Variants in TNRC18 observed in about 807,000 individuals in gnomAD.
The protein encoded by TNRC18 is trinucleotide repeat-containing gene 18 protein.
In TNRC18, 69 loss-of-function variants were observed where a neutral mutation model predicts 226.7. That is an observed-to-expected ratio of 0.30 (90% confidence interval 0.25 to 0.37). TNRC18 has a LOEUF of 0.37. TNRC18 is among the 10% of genes least tolerant of loss of function. The probability of loss-of-function intolerance (pLI) is 1.00; values close to 1 mark genes in which losing one functional copy is unlikely to be tolerated. For missense variants in TNRC18, 4,754 were observed against 4,256.6 expected, an observed-to-expected ratio of 1.12 and a Z score of -3.25; for synonymous variants, 2,449 against 1,927.6, an observed-to-expected ratio of 1.27 and a Z score of -7.09.
rs751753956 is a variant in TNRC18, at chr7:5,320,521, T to G, written c.6636+11A>C. The stretch of plus-strand genomic sequence containing the variant: ...CCCGAGCCTCCCGAGGCCCCGCCCC[T>G]CCCCCCTCACCGCCTCCTGCAGCAA... On this transcript the variant is annotated intron_variant, in intron 23 of 29. Coordinates refer to ENST00000430969, the MANE Select transcript of TNRC18 (RefSeq NM_001080495.3). The G allele has an allele frequency of 8.1e-7, 1 of 1,241,434 alleles. No individual in the cohort carries two copies. Among genetic ancestry groups the G allele is most frequent in the African/African-American group, 1.6e-5 (1 of 63,944 alleles). 76.9% of individuals were successfully genotyped at this position (1,241,434 alleles called of 1,614,324 possible).
chr7:5,415,278 C>T (rs1584124518), intron 2 of TNRC18, among the ~76,000 whole-genome samples: 1 of 150,942 alleles, frequency 6.6e-6, no homozygotes, highest in Non-Finnish European at 1.5e-5. Context: ...CCAGATCAGT[C>T]GGGTGGGGGT....
Position 5,423,505 on chromosome 7 carries a change from C to T in TNRC18, c.-308G>A, listed in dbSNP as rs1427351373. 2 of 152,154 alleles carry T rather than the reference C, an allele frequency of 1.3e-5. No homozygotes were observed. Among genetic ancestry groups the T allele is most frequent in the Admixed American group, 6.5e-5 (1 of 15,276 alleles). The allele number at this position is 152,154 out of a possible 1,614,324, so 9.4% of individuals were successfully genotyped here. ...ACGACTCCGGCGGCGGCCCCGGCTC[C>T]CGGCGCAGCTAGGCGCCCCTGCTGC... On this transcript the variant is annotated 5_prime_UTR_variant, in exon 1 of 30. Transcript: ENST00000430969.
chr7:5,388,555 G>C lies in TNRC18; in HGVS notation c.1269C>G (p.Pro423=), dbSNP rs939279317. The C allele has an allele frequency of 1.3e-5, 17 of 1,312,018 alleles. No homozygotes were observed. The highest frequency in any genetic ancestry group is 1.6e-5 in the Non-Finnish European group (17 of 1,033,406). The allele number at this position is 1,312,018 out of a possible 1,614,324, so 81.3% of individuals were successfully genotyped here. A position where few individuals can be genotyped will look rare whatever the true frequency, so the allele number is the denominator to read the frequency against. The change falls in exon 5 of 30, where the codon CCC becomes CCG. Residue 423 remains proline, a synonymous_variant. Transcript: ENST00000430969. ...PPGSPRPLDR[P]EGLREKNSVI... ...CCGAGTTCTTCTCGCGCAGGCCCTCGGGCCGGTCCAGAGGCCGCGGGGAGC... is the reference window on the plus strand; with the variant it reads ...CCGAGTTCTTCTCGCGCAGGCCCTCCGGCCGGTCCAGAGGCCGCGGGGAGC...
In TNRC18 at chr7:5,324,246, C is replaced by T. The variant is rs779695443; in HGVS notation, c.6410G>A (p.Arg2137His). Residue 2137 changes from arginine (R) to histidine (H), a missense_variant, in exon 21 of 30, where the codon CGT becomes CAT. Arg to His is a conservative substitution (Grantham distance 29, BLOSUM62 0). Transcript: ENST00000430969. This position sits in a 1 kb window ranked among gnomAD's most constrained non-coding sequence, Gnocchi z 4.8. ...CAGCGGCCGCTCCACAGCCCCGCCA[C>T]GCGGCAGGTGCTCGTCCTCAGAGAA... is the stretch of plus-strand genomic sequence containing the variant. ...SSFSEDEHLP[R>H]GGAVERPLTP... is the part of the protein sequence containing the mutation. 16 of 1,611,206 alleles carry T rather than the reference C, an allele frequency of 9.9e-6. No homozygotes were observed. Among genetic ancestry groups the T allele is most frequent in the Middle Eastern group, 1.7e-4 (1 of 6,050 alleles).
chr7:5,407,364 G>A (rs1192742984), intron 2 of TNRC18: 2 of 152,282 alleles, frequency 1.3e-5, no homozygotes. Flanking sequence ...GGAGAGCCTG[G>A]GGGCTGGCCC....
At chr7:5,366,135 C>T (rs1370602838) in intron 11 of TNRC18, among the ~76,000 whole-genome samples, 1 of 151,948 alleles carries the variant, frequency 6.6e-6, no homozygotes, top group African/African-American at 2.4e-5. Flanking sequence ...TATTCATTCG[C>T]ATCTCTGCTG....
At chr7:5,308,983 C>T (rs1431804332) in intron 28 of TNRC18, 34 bp from the exon 29 acceptor site, 11 of 1,579,660 alleles carry the variant, frequency 7.0e-6, no homozygotes, top group African/African-American at 1.3e-5. Flanking sequence ...CTTGGGTGAG[C>T]CCGGGGGCTG....
intron 2 of TNRC18, among the ~76,000 whole-genome samples, chr7:5,409,425 T>G (rs1262493892): frequency 6.6e-6 from 1 of 151,382 alleles, no homozygotes; most frequent in African/African-American, 2.4e-5. Context: ...AATTTAAAAA[T>G]TAAATTCGAC....
At position 5,370,663 on chromosome 7, in the gene TNRC18, G is replaced by A; in HGVS notation, c.3931C>T (p.Gln1311Ter). 1 of 1,612,746 alleles carries A rather than the reference G, an allele frequency of 6.2e-7. No homozygotes were observed. The highest frequency in any genetic ancestry group is 2.2e-5 in the East Asian group (1 of 44,860). ...CTGCCGAGTACAGGCACGGCCTCTT[G>A]GGGCTCCAGGCTCGGGCACTGTCCC... ...GEGQCPSLEP[Q>*]EAVPVLGSTC... The change falls in exon 11 of 30, where the codon CAA (glutamine) becomes TAA (stop). Residue 1311 changes from glutamine to a stop codon, truncating the protein, a stop_gained. Coordinates refer to ENST00000430969, the MANE Select transcript of TNRC18 (RefSeq NM_001080495.3). LOFTEE classifies it high-confidence loss of function.
rs377708142 is a variant in TNRC18 at position 5,387,859 on chromosome 7, G to A, written c.1965C>T (p.Pro655=). The A allele has an allele frequency of 3.7e-4, 584 of 1,599,414 alleles. No individual in the cohort carries two copies. Among genetic ancestry groups the A allele is most frequent in the Non-Finnish European group, 4.6e-4 (546 of 1,176,066 alleles). The change falls in exon 5 of 30, where the codon CCC becomes CCT. Residue 655 remains proline, a synonymous_variant. Transcript: ENST00000430969. ...AGGGRQLKRD[P]ERPESAKAFG... ...AAGCTTTGGCGCTCTCGGGCCTCTCGGGGTCCCGCTTCAGCTGCCGGCCGC... is the reference window on the plus strand; with the variant it reads ...AAGCTTTGGCGCTCTCGGGCCTCTCAGGGTCCCGCTTCAGCTGCCGGCCGC...
At chr7:5,354,815 C>T (rs1434710176) in intron 16 of TNRC18, among the ~76,000 whole-genome samples, 1 of 152,196 alleles carries the variant, frequency 6.6e-6, no homozygotes, top group Non-Finnish European at 1.5e-5. Flanking sequence ...CACGTAAGCT[C>T]ACTTAAGGCC....
chr7:5,361,840 TG>T, intron 13 of TNRC18, 56 bp downstream of exon 13: 3 of 1,507,946 alleles, frequency 2.0e-6, no homozygotes, highest in Non-Finnish European at 1.8e-6. Context: ...GCTGCGCGCC[TG>T]GGGGCCTGGT....
At chr7:5,389,474 G>C (rs1208890833) in intron 4 of TNRC18, 138 bp from the exon 5 acceptor site, 2 of 249,512 alleles carry the variant, frequency 8.0e-6, no homozygotes, top group Non-Finnish European at 9.4e-6. Flanking sequence ...TTTTTTTTCA[G>C]AAAGAGTCTC....
intron 19 of TNRC18, among the ~76,000 whole-genome samples, chr7:5,330,895 A>G (rs942506255): frequency 1.3e-5 from 2 of 151,940 alleles, no homozygotes; most frequent in African/African-American, 4.8e-5. Flanking sequence ...GGCTGGTCTC[A>G]AACTCCTGAC....
chr7:5,366,316 A>ATAT (rs1793615937), intron 11 of TNRC18, among the ~76,000 whole-genome samples: 1 of 53,686 alleles, frequency 1.9e-5, no homozygotes, highest in Non-Finnish European at 3.4e-5. Context: ...CTCTTCTTAT[A>ATAT]TCTTTTTTTT....
intron 16 of TNRC18, among the ~76,000 whole-genome samples, chr7:5,355,249 C>T (rs1274862413): frequency 6.6e-6 from 1 of 151,994 alleles, no homozygotes; most frequent in Non-Finnish European, 1.5e-5. Flanking sequence ...GAGGCCATAA[C>T]CATGAGGACG....
chr7:5,340,747 A>G (rs1206277650), intron 18 of TNRC18, among the ~76,000 whole-genome samples: 1 of 1,746 alleles, frequency 5.7e-4, no homozygotes, highest in African/African-American at 6.2e-3. Context: ...CATCTCAGAG[A>G]AAAAAAAAAA....
chr7:5,376,963 A>T lies in TNRC18; in HGVS notation c.2492T>A (p.Met831Lys). The change falls in exon 8 of 30, where the codon ATG becomes AAG. Residue 831 changes from methionine (M) to lysine (K), a missense_variant. Physicochemically the swap from Met to Lys is moderately conservative, Grantham distance 95. Transcript: ENST00000430969. ...GLGPPSLHQGMAPAFPPGLGG... is the reference protein window; with the variant it reads ...GLGPPSLHQGKAPAFPPGLGG... ...CAGGCCAGGTGGGAACGCAGGGGCC[A>T]TGCCCTGGTGCAGAGATGGGGGACC... 6.3e-7 allele frequency: 1 copy of T among 1,588,190 alleles called. No individual in the cohort carries two copies. The highest frequency in any genetic ancestry group is 2.3e-5 in the East Asian group (1 of 43,766).
chr7:5,325,591 T>C, intron 19 of TNRC18: 1 of 274,024 alleles, frequency 3.6e-6, no homozygotes, highest in South Asian at 3.7e-5. Context: ...ACCTGGCTAA[T>C]GTTTTTGTAT....
Sources: allele counts gnomAD v4.1 joint callset (sites outside exome capture counted in the v4.1 genomes callset), GRCh38; gene constraint gnomAD v4.1.1; non-coding constraint Gnocchi (gnomAD v3.1); transcripts MANE v1.5; gene names NCBI Gene and HGNC (gene_info 2026-07-23, HGNC 2026-07-21).